The following GON4L variants were observed in gnomAD, a reference collection of about 807,000 sequenced individuals.
The protein encoded by GON4L is gon-4 like.
Under a neutral mutation model 211.8 loss-of-function variants are expected in GON4L, and 87 were observed. The ratio of observed to expected loss-of-function variants is 0.41; its 90% CI spans 0.35 to 0.49. The LOEUF (loss-of-function observed/expected upper bound fraction) is 0.49. GON4L is among the 20% of genes least tolerant of loss of function. The pLI is 0.15. For missense variants in GON4L, 2,155 were observed against 2,659.5 expected, an observed-to-expected ratio of 0.81 and a Z score of 4.17; for synonymous variants, 875 against 962.6, an observed-to-expected ratio of 0.91 and a Z score of 1.68.
At position 155,807,091 on chromosome 1, in the gene GON4L, C is replaced by CAA. The variant is rs5777956; in HGVS notation, c.1453-1952_1453-1951dup. On this transcript the variant is annotated intron_variant, in intron 10 of 31. Transcript: ENST00000368331. ...TCCAACCTAAGCAAGAGAGACATCT[C>CAA]AAAAAAAAAAAAAAAACAGGGCCAG... Among the ~76,000 whole-genome samples the CAA allele has an allele frequency of 6.1e-3, 731 of 119,240 alleles. 14 individuals carry two copies. Among genetic ancestry groups the CAA allele is most frequent in the Admixed American group, 8.1e-3 (93 of 11,486 alleles). The allele number at this position is 119,240 out of a possible 152,430, so 78.2% of individuals were successfully genotyped here.
In GON4L at chr1:155,752,231, A is replaced by G. The variant is rs1443733159; in HGVS notation, c.6202T>C (p.Ser2068Pro). 1.2e-6 allele frequency: 2 copies of G among 1,613,218 alleles called. No individual in the cohort carries two copies. The highest frequency in any genetic ancestry group is 1.7e-6 in the Non-Finnish European group (2 of 1,179,424). ...KTRDAGRRHVSGKPDTQERWL... is the reference protein window; with the variant it reads ...KTRDAGRRHVPGKPDTQERWL... ...CTCTCTTGAGTGTCTGGTTTCCCGG[A>G]CACATGTCTTCTCCCTGCATCTCTG... The change falls in exon 30 of 32, where the codon TCC becomes CCC. Residue 2068 changes from serine to proline, a missense_variant. By Grantham distance (74) the Ser-to-Pro change is moderately conservative. Coordinates refer to ENST00000368331, the MANE Select transcript of GON4L (RefSeq NM_001282860.2).
Position 155,767,467 on chromosome 1 carries a change from T to A in GON4L, c.2721A>T (p.Pro907=), listed in dbSNP as rs1292796520. ...CEEIQPHQWK[P]PIEREEHRLP... is the part of the protein sequence containing the mutation. The stretch of plus-strand genomic sequence containing the variant: ...GCCGGTGTTCTTCTCTCTCTATAGG[T>A]GGCTTCCACTGATGTGGCTGGATCT... The change falls in exon 20 of 32, where the codon CCA becomes CCT. Residue 907 remains proline (P), a synonymous_variant. Transcript: ENST00000368331. 3.1e-6 allele frequency: 5 copies of A among 1,613,072 alleles called. No individual in the cohort carries two copies. Among genetic ancestry groups the A allele is most frequent in the South Asian group, 2.2e-5 (2 of 91,060 alleles).
intron 2 of GON4L, among the ~76,000 whole-genome samples, chr1:155,849,257 C>T (rs1332037267): frequency 7.0e-6 from 1 of 143,434 alleles, no homozygotes; most frequent in African/African-American, 2.6e-5. Flanking sequence ...AAATTCAAAA[C>T]CAGCAGGGCT....
chr1:155,771,099 T>C lies in GON4L; in HGVS notation c.2614A>G (p.Asn872Asp), dbSNP rs777698574. The change falls in exon 19 of 32, where the codon AAC becomes GAC. Residue 872 changes from asparagine to aspartate, a missense_variant. By Grantham distance (23) the Asn-to-Asp change is conservative. Transcript: ENST00000368331. ...HQLTVRIKNL[N>D]MNRAPDNIIK... Reference sequence around the variant, plus strand: ...ATGTTGTCAGGAGCTCTGTTCATGTTGAGGTTCTTGATTCTCACTGTCAGT... The same window carrying C: ...ATGTTGTCAGGAGCTCTGTTCATGTCGAGGTTCTTGATTCTCACTGTCAGT... The C allele has an allele frequency of 6.2e-7, 1 of 1,614,072 alleles. No individual in the cohort carries two copies. Among genetic ancestry groups the C allele is most frequent in the African/African-American group, 1.3e-5 (1 of 74,932 alleles).
Position 155,763,318 on chromosome 1 carries a change from G to C in GON4L, c.4720C>G (p.Pro1574Ala). The stretch of plus-strand genomic sequence containing the variant: ...ATAGGTTTGCCTAGCTCACCTGGTG[G>C]AGTTCTGCTGGTCTCCACTTCTGGA... ...TAPEVETSRT[P>A]PGESIKAAGK... The change falls in exon 22 of 32, where the codon CCA becomes GCA. Residue 1574 changes from proline to alanine, a missense_variant. Pro to Ala is a conservative substitution (Grantham distance 27). This residue lies in a region of GON4L where 455 missense variants were observed against 504.6 expected (regional missense o/e 0.90). Coordinates refer to ENST00000368331, the MANE Select transcript of GON4L (RefSeq NM_001282860.2). 2 of 1,613,858 alleles carry C rather than the reference G, an allele frequency of 1.2e-6. No homozygotes were observed. Among genetic ancestry groups the C allele is most frequent in the Non-Finnish European group, 8.5e-7 (1 of 1,179,814 alleles).
downstream of GON4L, chr1:155,748,272 T>G: frequency 8.1e-7 from 1 of 1,238,826 alleles, no homozygotes; most frequent in South Asian, 1.4e-5. Context: ...CACTGTCCTA[T>G]GCTTGTCCAG....
rs1422988524 is a variant in GON4L, at chr1:155,754,436, C to A, written c.5570G>T (p.Gly1857Val). Residue 1857 changes from glycine to valine, a missense_variant, in exon 28 of 32, where the codon GGA becomes GTA. By Grantham distance (109) the Gly-to-Val change is moderately radical (BLOSUM62 -3). Coordinates refer to ENST00000368331, the MANE Select transcript of GON4L (RefSeq NM_001282860.2). Reference protein sequence around the residue: ...AKDCACSCHEGGPDSKLKKSK... With the variant: ...AKDCACSCHEVGPDSKLKKSK... ...CTTCTTCAGCTTGGAATCTGGACCTCCTTCATGGCAGGAGCAGGCACAGTC... is the reference window on the plus strand; with the variant it reads ...CTTCTTCAGCTTGGAATCTGGACCTACTTCATGGCAGGAGCAGGCACAGTC... 3 of 1,613,514 alleles carry A rather than the reference C, an allele frequency of 1.9e-6. No homozygotes were observed. Among genetic ancestry groups the A allele is most frequent in the Non-Finnish European group, 2.5e-6 (3 of 1,179,722 alleles).
At chr1:155,776,512 A>G in intron 15 of GON4L, 31 bp from the exon 16 acceptor site, 1 of 1,441,580 alleles carries the variant, frequency 6.9e-7, no homozygotes, top group Non-Finnish European at 9.8e-7. Context: ...ATGAAGTGAC[A>G]TGTTACCACA....
At chr1:155,770,524 C>T (rs915640886) in intron 19 of GON4L, among the ~76,000 whole-genome samples, 4 of 152,042 alleles carry the variant, frequency 2.6e-5, no homozygotes, top group South Asian at 2.1e-4. Context: ...AGCAAGAACC[C>T]GTCTCTAAAA....
chr1:155,748,134 C>T (rs1046470133), downstream of GON4L: 86 of 1,589,606 alleles, frequency 5.4e-5, no homozygotes, highest in Non-Finnish European at 7.0e-5. Flanking sequence ...TGATGTAAGT[C>T]TCGGTGCTCT....
chr1:155,796,437 C>T lies in GON4L; in HGVS notation c.1646-1286G>A, dbSNP rs552178943. On this transcript the variant is annotated intron_variant, in intron 11 of 31. Coordinates refer to ENST00000368331, the MANE Select transcript of GON4L (RefSeq NM_001282860.2). Reference sequence around the variant, plus strand: ...AGATTACAGATGCCCACCACCACGCCCGGCTAATTTTTCTATTTTTAGTAG... The same window carrying T: ...AGATTACAGATGCCCACCACCACGCTCGGCTAATTTTTCTATTTTTAGTAG... 2.0e-4 allele frequency among the ~76,000 whole-genome samples: 31 copies of T among 152,010 alleles called. No homozygotes were observed. The South Asian group carries it at 5.4e-3, about 26-fold the overall frequency.
intron 12 of GON4L, among the ~76,000 whole-genome samples, chr1:155,790,935 TC>T (rs2101959542): frequency 6.9e-6 from 1 of 145,678 alleles, no homozygotes; most frequent in East Asian, 2.1e-4. Flanking sequence ...AGAGCGAGAC[TC>T]CTTCTCAAAA....
At chr1:155,816,136 A>G in intron 7 of GON4L, 76 bp downstream of exon 7, 1 of 765,676 alleles carries the variant, frequency 1.3e-6, no homozygotes, top group Non-Finnish European at 2.3e-6. Flanking sequence ...AAGAAAAGTT[A>G]AAGAGGAAGT....
chr1:155,767,985 A>G (rs201892040), intron 19 of GON4L, among the ~76,000 whole-genome samples: 7 of 151,312 alleles, frequency 4.6e-5, no homozygotes, highest in Admixed American at 3.3e-4. Context: ...AGAAGGGGGG[A>G]AAAAAAGAGC....
chr1:155,766,095 C>T lies in GON4L; in HGVS notation c.3378G>A (p.Lys1126=). The T allele has an allele frequency of 6.2e-7, 1 of 1,614,094 alleles. No homozygotes were observed. Among genetic ancestry groups the T allele is most frequent in the Non-Finnish European group, 8.5e-7 (1 of 1,180,020 alleles). The stretch of plus-strand genomic sequence containing the variant: ...GGGCAGGTTTCATACAGGGAGAGGC[C>T]TTGACTCCTCTTCTCTTTGAGGGTC... ...RRRPSKRRGV[K]ASPCMKPAPV... The change falls in exon 21 of 32, where the codon AAG becomes AAA. Residue 1126 remains lysine (K), a synonymous_variant. Coordinates refer to ENST00000368331, the MANE Select transcript of GON4L (RefSeq NM_001282860.2).
rs1662051974 is a variant in GON4L, at chr1:155,763,437, C to T, written c.4601G>A (p.Gly1534Glu). ...ATCCTCTTTCTGCAGGCTTTCCATT[C>T]CTTCTGCTTCTTCTTCCTCCTCTTC... is the stretch of plus-strand genomic sequence containing the variant. Reference protein sequence around the residue: ...PEEEEEEEAEGMESLQKEDEM... With the variant: ...PEEEEEEEAEEMESLQKEDEM... The change falls in exon 22 of 32, where the codon GGA (glycine) becomes GAA (glutamate). Residue 1534 changes from glycine to glutamate, a missense_variant. Gly to Glu is a moderately conservative substitution (Grantham distance 98). This residue lies in a region of GON4L where 35 missense variants were observed against 73.9 expected (regional missense o/e 0.47). Transcript: ENST00000368331. The T allele has an allele frequency of 6.4e-7, 1 of 1,567,806 alleles. No individual in the cohort carries two copies. Among genetic ancestry groups the T allele is most frequent in the African/African-American group, 1.4e-5 (1 of 73,790 alleles).
intron 2 of GON4L, among the ~76,000 whole-genome samples, chr1:155,850,210 T>C (rs1238968592): frequency 6.6e-6 from 1 of 152,222 alleles, no homozygotes; most frequent in Non-Finnish European, 1.5e-5. Flanking sequence ...TGCCTTGTTT[T>C]ATTTTTTATT....
intron 2 of GON4L, among the ~76,000 whole-genome samples, chr1:155,832,512 G>A (rs867737289): frequency 2.6e-5 from 4 of 151,804 alleles, no homozygotes; most frequent in African/African-American, 4.8e-5. Flanking sequence ...GGTGGCAGGC[G>A]CCTGTAATCC....
chr1:155,763,150 C>T (rs914499749), intron 22 of GON4L, among the ~76,000 whole-genome samples, 162 bp downstream of exon 22: 1 of 152,138 alleles, frequency 6.6e-6, no homozygotes, highest in East Asian at 1.9e-4. Flanking sequence ...CACAAAGATA[C>T]CACATTAAAC....
Sources: gnomAD v4.1 joint callset for allele counts (sites outside exome capture counted in the v4.1 genomes callset) on GRCh38, gnomAD v4.1.1 for gene constraint, gnomAD v4.1.1 regional missense constraint, MANE v1.5 for transcripts, NCBI Gene and HGNC (gene_info 2026-07-23, HGNC 2026-07-21) for gene names.